Variants in SLC39A11 observed in about 807,000 individuals in gnomAD.
SLC39A11 encodes solute carrier family 39 member 11, also known as zinc transporter ZIP11.
In SLC39A11, 33 loss-of-function variants were observed where a neutral mutation model predicts 36.1. That is an observed-to-expected ratio of 0.91 (90% CI 0.69 to 1.22). The LOEUF is 1.22. Ranked by LOEUF, SLC39A11 falls within the 50% of genes most tolerant of loss-of-function variation. The pLI is 0.00. For synonymous variants in SLC39A11, 166 were observed against 170.3 expected (o/e 0.97, Z 0.20); for missense variants, 432 against 430.3 (o/e 1.00, Z -0.03).
At chr17:72,981,766 CAACT>C (rs1429043011) in intron 4 of SLC39A11, among the ~76,000 whole-genome samples, 1 of 151,928 alleles carries the variant, frequency 6.6e-6, no homozygotes, top group Admixed American at 6.6e-5. Context: ...CACAAGTGAC[CAACT>C]GAGAAAAGAA....
chr17:73,076,444 T>A, intron 3 of SLC39A11, among the ~76,000 whole-genome samples: 1 of 152,308 alleles, frequency 6.6e-6, no homozygotes, highest in South Asian at 2.1e-4. Flanking sequence ...TGTATAAATA[T>A]GTCACTGCAG....
In SLC39A11 at chr17:72,868,191, G is replaced by A. The variant is rs550461673; in HGVS notation, c.431-18387C>T. ...TTAACTTTTAACATTGGTAAAGACC[G>A]TCTTGTTATAGAGGAACAAATAATC... On this transcript the variant is annotated intron_variant, in intron 5 of 9. Coordinates refer to ENST00000255559, the MANE Select transcript of SLC39A11 (RefSeq NM_139177.4). Among the ~76,000 whole-genome samples the A allele has an allele frequency of 8.5e-5, 13 of 152,262 alleles. No individual in the cohort carries two copies. In the South Asian group the frequency reaches 1.9e-3, roughly 22 times the overall value.
rs34104202 is a variant in SLC39A11 at position 72,784,914 on chromosome 17, C to T, written c.602-48195G>A. Among the ~76,000 whole-genome samples, 1,447 of 148,592 alleles carry T rather than the reference C, an allele frequency of 9.7e-3. 13 individuals are homozygous for T. Among genetic ancestry groups the T allele is most frequent in the Middle Eastern group, 0.028 (8 of 288 alleles). Reference sequence around the variant, plus strand: ...TCGCTCTGTCGCCCAGGCTGGAGTGCAGTGGTGCAATCTTGGCTCACTGCA... The same window carrying T: ...TCGCTCTGTCGCCCAGGCTGGAGTGTAGTGGTGCAATCTTGGCTCACTGCA... On this transcript the variant is annotated intron_variant, in intron 6 of 9. Coordinates refer to ENST00000255559, the MANE Select transcript of SLC39A11 (RefSeq NM_139177.4).
Position 73,046,250 on chromosome 17 carries a change from G to A in SLC39A11, c.148-14536C>T, listed in dbSNP as rs1388613676. ...ATCTTCAAGGTCAAGGGAAAAGAAA[G>A]ATGCTCCTCCTTGTTCTAAATAGTA... On this transcript the variant is annotated intron_variant, in intron 3 of 9. Coordinates refer to ENST00000255559, the MANE Select transcript of SLC39A11 (RefSeq NM_139177.4). Among the ~76,000 whole-genome samples the A allele has an allele frequency of 4.6e-5, 7 of 152,300 alleles. No homozygotes were observed. In the South Asian group the frequency reaches 1.2e-3, roughly 27 times the overall value.
At chr17:72,834,988 C>A (rs2078461666) in intron 6 of SLC39A11, among the ~76,000 whole-genome samples, 2 of 152,216 alleles carry the variant, frequency 1.3e-5, no homozygotes, top group South Asian at 2.1e-4. Flanking sequence ...GTTTCCCTGC[C>A]ACTTTTATTT....
chr17:72,716,521 C>T (rs946821219), intron 7 of SLC39A11, among the ~76,000 whole-genome samples: 9 of 151,536 alleles, frequency 5.9e-5, no homozygotes, highest in Admixed American at 4.6e-4. Context: ...GGAGGGAAAG[C>T]CGCCGCTCTT....
chr17:72,809,203 CTCTCT>C lies in SLC39A11; in HGVS notation c.601+40426_601+40430del, dbSNP rs1568127583. Among the ~76,000 whole-genome samples the C allele has an allele frequency of 4.0e-4, 58 of 143,834 alleles. 1 individual carries two copies. Among genetic ancestry groups the C allele is most frequent in the Non-Finnish European group, 3.6e-4 (23 of 63,556 alleles). 94.4% of individuals were successfully genotyped at this position (143,834 alleles called of 152,430 possible). ...AGATCATCTTCTTTCTTTTCTTTCTCTCTCTCTCTCTCTCTCTCTCTCTCTTTCTT... is the reference window on the plus strand; with the variant it reads ...AGATCATCTTCTTTCTTTTCTTTCTCCTCTCTCTCTCTCTCTCTCTTTCTT... On this transcript the variant is annotated intron_variant, in intron 6 of 9. Transcript: ENST00000255559.
intron 4 of SLC39A11, among the ~76,000 whole-genome samples, chr17:73,022,733 C>T (rs750248728): frequency 6.6e-6 from 1 of 151,640 alleles, no homozygotes; most frequent in Non-Finnish European, 1.5e-5. Context: ...TCACGGGAGG[C>T]TGTGGAATGC....
At chr17:72,835,781 C>T (rs901928106) in intron 6 of SLC39A11, among the ~76,000 whole-genome samples, 1 of 152,148 alleles carries the variant, frequency 6.6e-6, no homozygotes, top group African/African-American at 2.4e-5. Context: ...CTACTGCTGT[C>T]GTCTCAATAA....
chr17:72,690,618 G>T (rs998180259), intron 7 of SLC39A11, among the ~76,000 whole-genome samples: 1 of 152,230 alleles, frequency 6.6e-6, no homozygotes, highest in Non-Finnish European at 1.5e-5. Flanking sequence ...AGAGTATTTT[G>T]TGAACAGTTC....
chr17:72,712,574 A>G (rs1291373484), intron 7 of SLC39A11, among the ~76,000 whole-genome samples: 2 of 152,146 alleles, frequency 1.3e-5, no homozygotes, highest in East Asian at 3.9e-4. Context: ...ACCAGAAAGC[A>G]GTGTTTGTGA....
At chr17:73,005,899 C>T (rs376938485) in intron 4 of SLC39A11, among the ~76,000 whole-genome samples, 3 of 151,300 alleles carry the variant, frequency 2.0e-5, no homozygotes, top group African/African-American at 7.3e-5. Flanking sequence ...TGCAGTGAGC[C>T]GAGATCACAC....
chr17:73,015,210 CCTT>C (rs1396926699), intron 4 of SLC39A11, among the ~76,000 whole-genome samples: 1 of 152,176 alleles, frequency 6.6e-6, no homozygotes, highest in African/African-American at 2.4e-5. Flanking sequence ...CTGCACGGTT[CCTT>C]CTTCTAAATG....
chr17:72,694,043 G>T (rs1253507094), intron 7 of SLC39A11, among the ~76,000 whole-genome samples: 1 of 152,162 alleles, frequency 6.6e-6, no homozygotes, highest in Non-Finnish European at 1.5e-5. Context: ...CTCAGTCTGG[G>T]GCTGGACTGA....
intron 7 of SLC39A11, among the ~76,000 whole-genome samples, chr17:72,660,059 G>A (rs1361438668): frequency 6.6e-6 from 1 of 152,144 alleles, no homozygotes; most frequent in African/African-American, 2.4e-5. Context: ...TGTGCTGAGT[G>A]AGTTACTCAG....
intron 6 of SLC39A11, among the ~76,000 whole-genome samples, chr17:72,822,778 G>A (rs1821106): frequency 0.022 from 3,255 of 150,456 alleles, 140 homozygotes; most frequent in African/African-American, 0.074. Flanking sequence ...GCAGTGGCAC[G>A]ATCATAGCTC....
chr17:72,675,553 G>C (rs545488825), intron 7 of SLC39A11, among the ~76,000 whole-genome samples: 3 of 152,340 alleles, frequency 2.0e-5, no homozygotes, highest in African/African-American at 7.2e-5. Context: ...TCTATGACAA[G>C]ACACTCTTGG....
At chr17:72,701,659 C>T (rs1174220577) in intron 7 of SLC39A11, among the ~76,000 whole-genome samples, 10 of 129,512 alleles carry the variant, frequency 7.7e-5, no homozygotes, top group Non-Finnish European at 7.8e-5. Flanking sequence ...ACCTGGGAGG[C>T]GGAGGTTGCA....
chr17:73,082,874 G>T (rs181930254), intron 3 of SLC39A11, among the ~76,000 whole-genome samples: 1 of 152,128 alleles, frequency 6.6e-6, no homozygotes, highest in East Asian at 1.9e-4. Flanking sequence ...AAATTAGCCA[G>T]GCGTGGTGGT....
Sources: allele counts gnomAD v4.1 joint callset (sites outside exome capture counted in the v4.1 genomes callset), GRCh38; gene constraint gnomAD v4.1.1; transcripts MANE v1.5; gene names NCBI Gene and HGNC (gene_info 2026-07-23, HGNC 2026-07-21).